Variants in SLC45A4 observed in about 807,000 individuals in gnomAD.
SLC45A4 encodes solute carrier family 45 member 4, also known as polyamine-transporter SLC45A4.
In SLC45A4, 32 loss-of-function variants were observed where a neutral mutation model predicts 63.7. The observed-to-expected ratio is 0.50, with a 90% CI of 0.38 to 0.67. The LOEUF is 0.67. Ranked by LOEUF, SLC45A4 falls within the 30% of genes least tolerant of loss-of-function variation. SLC45A4 has a pLI of 0.00. For missense variants in SLC45A4, 1,027 were observed against 1,157.7 expected (o/e 0.89, Z 1.64); for synonymous variants, 535 against 510.0 (o/e 1.05, Z -0.66).
Position 141,254,865 on chromosome 8 carries a change from G to A in SLC45A4, c.-400-236C>T, listed in dbSNP as rs985655254. 5.9e-5 allele frequency: 25 copies of A among 424,770 alleles called. No individual in the cohort carries two copies. Among genetic ancestry groups the A allele is most frequent in the Non-Finnish European group, 1.0e-4 (23 of 220,724 alleles). The allele number at this position is 424,770 out of a possible 1,614,324, so 26.3% of individuals were successfully genotyped here. A position where few individuals can be genotyped will look rare whatever the true frequency, so the allele number is the denominator to read the frequency against. ...GGAAGGACAAAGGTGGGGCAATCAA[G>A]GAAAGCAGGATCAAAGAACAGACAG... On this transcript the variant is annotated intron_variant, in intron 1 of 8. Coordinates refer to ENST00000517878, the MANE Select transcript of SLC45A4 (RefSeq NM_001286646.2). The surrounding 1 kb of genome is among the most constrained non-coding windows in gnomAD (Gnocchi z 4.5).
intron 1 of SLC45A4, among the ~76,000 whole-genome samples, chr8:141,270,845 C>CACCAGCTCG (rs1229727360): frequency 4.6e-5 from 7 of 152,188 alleles, no homozygotes; most frequent in Admixed American, 1.3e-4. Context: ...CCCACGGCAC[C>CACCAGCTCG]ACCAGCTCGA....
At chr8:141,306,247 C>T (rs1026654530) in intron 1 of SLC45A4, among the ~76,000 whole-genome samples, 18 of 152,250 alleles carry the variant, frequency 1.2e-4, no homozygotes, top group African/African-American at 4.3e-4. Context: ...AAAAACACAC[C>T]TTTAAATACC....
chr8:141,220,542 G>C (rs1002847352), intron 3 of SLC45A4, among the ~76,000 whole-genome samples: 4 of 152,130 alleles, frequency 2.6e-5, no homozygotes, highest in Non-Finnish European at 5.9e-5. Flanking sequence ...GCTCACCTTG[G>C]GTCTCCACTT....
intron 1 of SLC45A4, among the ~76,000 whole-genome samples, chr8:141,286,015 C>T (rs1012034101): frequency 7.2e-5 from 11 of 152,198 alleles, no homozygotes; most frequent in African/African-American, 1.2e-4. Context: ...AGCGGCACCT[C>T]GTGGCTCTGT....
intron 2 of SLC45A4, among the ~76,000 whole-genome samples, chr8:141,231,768 C>T (rs1365631304): frequency 2.6e-5 from 4 of 152,356 alleles, no homozygotes; most frequent in South Asian, 2.1e-4. Context: ...TCTTGCCACA[C>T]GGCACCGAGC....
At position 141,210,875 on chromosome 8, in the gene SLC45A4, A is replaced by G. The variant is rs1825764141; in HGVS notation, c.*697T>C. The G allele has an allele frequency of 6.6e-6, 1 of 152,268 alleles. No homozygotes were observed. Among genetic ancestry groups the G allele is most frequent in the Non-Finnish European group, 1.5e-5 (1 of 68,088 alleles). 9.4% of individuals were successfully genotyped at this position (152,268 alleles called of 1,614,324 possible). On this transcript the variant is annotated 3_prime_UTR_variant, in exon 9 of 9. Coordinates refer to ENST00000517878, the MANE Select transcript of SLC45A4 (RefSeq NM_001286646.2). Reference sequence around the variant, plus strand: ...TTCAAATAGGCTTAGTTCTAAAGAGACTGTGGTTTGGAAAACATTTCCAAA... The same window carrying G: ...TTCAAATAGGCTTAGTTCTAAAGAGGCTGTGGTTTGGAAAACATTTCCAAA...
chr8:141,260,127 C>T (rs540804493), intron 1 of SLC45A4, among the ~76,000 whole-genome samples: 11 of 152,312 alleles, frequency 7.2e-5, no homozygotes, highest in African/African-American at 2.4e-4. Context: ...GGCAGGGGCA[C>T]AGTACACGGA....
chr8:141,306,316 A>C (rs756603571), intron 1 of SLC45A4, among the ~76,000 whole-genome samples: 15 of 152,250 alleles, frequency 9.9e-5, no homozygotes, highest in Non-Finnish European at 2.9e-5. Flanking sequence ...AGCCACTGCC[A>C]CAAAAACAAT....
At chr8:141,242,092 G>A (rs906257113) in intron 2 of SLC45A4, among the ~76,000 whole-genome samples, 2 of 152,188 alleles carry the variant, frequency 1.3e-5, no homozygotes, top group African/African-American at 2.4e-5. Context: ...AAAGAGAGGC[G>A]CATCCCGCCA....
intron 1 of SLC45A4, among the ~76,000 whole-genome samples, chr8:141,263,035 T>TA (rs1489602582): frequency 1.3e-5 from 2 of 151,600 alleles, no homozygotes; most frequent in African/African-American, 4.8e-5. Flanking sequence ...TATGCAGCCA[T>TA]AAAAAATGAT....
chr8:141,281,528 G>A (rs57040725), intron 1 of SLC45A4, among the ~76,000 whole-genome samples: 5,906 of 152,266 alleles, frequency 0.039, 375 homozygotes, highest in African/African-American at 0.13. Flanking sequence ...TTAAAGCTCC[G>A]CGGCAGCACG....
In SLC45A4 at chr8:141,230,300, G is replaced by A. The variant is rs993467669; in HGVS notation, c.242-8535C>T. 4 of 359,678 alleles carry A rather than the reference G, an allele frequency of 1.1e-5. No individual in the cohort carries two copies. The Admixed American group carries it at 1.5e-4, about 13-fold the overall frequency. The allele number at this position is 359,678 out of a possible 1,614,324, so 22.3% of individuals were successfully genotyped here. On this transcript the variant is annotated intron_variant, in intron 2 of 8. Coordinates refer to ENST00000517878, the MANE Select transcript of SLC45A4 (RefSeq NM_001286646.2). The stretch of plus-strand genomic sequence containing the variant: ...CTGTCAGAGCACCCCATCTCAACAA[G>A]GGAGGGCCGCTCCTGAAGTCCCCGC...
At chr8:141,238,521 T>C (rs1426329155) in intron 2 of SLC45A4, among the ~76,000 whole-genome samples, 1 of 152,158 alleles carries the variant, frequency 6.6e-6, no homozygotes. Context: ...TCTGCCTCTA[T>C]GAATCTGACA....
chr8:141,269,371 C>T (rs1042285359), intron 1 of SLC45A4, among the ~76,000 whole-genome samples: 1 of 152,210 alleles, frequency 6.6e-6, no homozygotes, highest in African/African-American at 2.4e-5. Context: ...TTCTTCTCTG[C>T]TCTCCTTTCA....
At chr8:141,298,730 G>A (rs761960646) in intron 1 of SLC45A4, among the ~76,000 whole-genome samples, 9 of 152,186 alleles carry the variant, frequency 5.9e-5, no homozygotes, top group Non-Finnish European at 7.3e-5. Context: ...CCAGGGAGGA[G>A]GGGTGTGGGA....
chr8:141,294,793 G>T (rs929557843), intron 1 of SLC45A4, among the ~76,000 whole-genome samples: 2 of 152,204 alleles, frequency 1.3e-5, no homozygotes, highest in African/African-American at 4.8e-5. Flanking sequence ...CCCTGGGAGG[G>T]AGGCACCCTG....
At chr8:141,273,304 G>A (rs987451271) in intron 1 of SLC45A4, among the ~76,000 whole-genome samples, 1 of 152,214 alleles carries the variant, frequency 6.6e-6, no homozygotes, top group Non-Finnish European at 1.5e-5. Context: ...GACCTGGTGT[G>A]TGTGCCAGGG....
chr8:141,211,919 A>C, intron 8 of SLC45A4: 1 of 1,254,872 alleles, frequency 8.0e-7, no homozygotes, highest in Non-Finnish European at 1.0e-6. Flanking sequence ...AAGAGCTGAA[A>C]TTAAAATATC....
chr8:141,235,489 G>A (rs1164172927), intron 2 of SLC45A4, among the ~76,000 whole-genome samples: 3 of 152,188 alleles, frequency 2.0e-5, no homozygotes, highest in African/African-American at 7.2e-5. Flanking sequence ...GACCCTCTGT[G>A]AACCCCACAA....
Sources: allele counts gnomAD v4.1 joint callset (sites outside exome capture counted in the v4.1 genomes callset), GRCh38; gene constraint gnomAD v4.1.1; non-coding constraint Gnocchi (gnomAD v3.1); transcripts MANE v1.5; gene names NCBI Gene and HGNC (gene_info 2026-07-23, HGNC 2026-07-21).